MRAP2: variants seen among roughly 807,000 people sequenced by gnomAD.
MRAP2 encodes melanocortin-2 receptor accessory protein 2.
Under a neutral mutation model 17.4 loss-of-function variants are expected in MRAP2, and 20 were observed. The ratio of observed to expected loss-of-function variants is 1.15; its 90% CI spans 0.81 to 1.67. MRAP2 has a LOEUF of 1.67. Ranked by LOEUF, MRAP2 falls within the 40% of genes most tolerant of loss-of-function variation. The probability of loss-of-function intolerance (pLI) is 0.00; values close to 1 mark genes in which losing one functional copy is unlikely to be tolerated. For synonymous variants in MRAP2, 96 were observed against 88.4 expected, an observed-to-expected ratio of 1.09 and a Z score of -0.48; for missense variants, 238 against 240.0, an observed-to-expected ratio of 0.99 and a Z score of 0.05.
At chr6:84,067,122 G>A (rs2099494945) in intron 3 of MRAP2, among the ~76,000 whole-genome samples, 1 of 151,798 alleles carries the variant, frequency 6.6e-6, no homozygotes, top group African/African-American at 2.4e-5. Context: ...ACGTATCAGT[G>A]AGAACATAAG....
At chr6:84,098,111 T>C in the MRAP2 span, among the ~76,000 whole-genome samples, 1 of 151,820 alleles carries the variant, frequency 6.6e-6, no homozygotes, top group East Asian at 1.9e-4. Context: ...TTATAATCCC[T>C]CCCTCCCATC....
chr6:84,043,339 A>G (rs1376909445), intron 1 of MRAP2, among the ~76,000 whole-genome samples: 4 of 152,182 alleles, frequency 2.6e-5, no homozygotes, highest in African/African-American at 9.7e-5. Flanking sequence ...AAAATGAGAG[A>G]TTCAGATAAT....
chr6:84,120,999 A>G, the MRAP2 span, among the ~76,000 whole-genome samples: 2 of 151,974 alleles, frequency 1.3e-5, no homozygotes, highest in Non-Finnish European at 2.9e-5. Context: ...CAAAAACTCA[A>G]TTTTTCTATC....
intron 1 of MRAP2, among the ~76,000 whole-genome samples, chr6:84,053,509 C>G (rs1385104743): frequency 6.6e-6 from 1 of 152,072 alleles, no homozygotes. Context: ...GTTGTAATCC[C>G]AACACTCTGG....
At chr6:84,125,067 C>A in the MRAP2 span, 17 of 1,608,226 alleles carry the variant, frequency 1.1e-5, no homozygotes, top group Middle Eastern at 1.6e-4. Flanking sequence ...ATCTGAATTT[C>A]TATTAATACT....
At chr6:84,037,313 C>T (rs2099486351) in intron 1 of MRAP2, among the ~76,000 whole-genome samples, 1 of 152,166 alleles carries the variant, frequency 6.6e-6, no homozygotes, top group Non-Finnish European at 1.5e-5. Context: ...ATCCACGAAC[C>T]CCGAGCTAGA....
chr6:84,059,041 A>G (rs949906087), intron 2 of MRAP2, among the ~76,000 whole-genome samples: 4 of 152,228 alleles, frequency 2.6e-5, no homozygotes, highest in African/African-American at 9.6e-5. Context: ...GGAATGGGTC[A>G]TTTATGAAGA....
chr6:84,052,755 A>T (rs957628863), intron 1 of MRAP2: 5 of 980,144 alleles, frequency 5.1e-6, no homozygotes, highest in Non-Finnish European at 6.1e-6. Flanking sequence ...GTCACATTTC[A>T]TTCTGCAGAA....
intron 3 of MRAP2, among the ~76,000 whole-genome samples, chr6:84,075,825 T>A (rs2099497452): frequency 6.6e-6 from 1 of 152,130 alleles, no homozygotes; most frequent in Non-Finnish European, 1.5e-5. Flanking sequence ...GAATAGCAAT[T>A]TACCTGAATA....
chr6:84,038,202 C>T (rs113792485), intron 1 of MRAP2, among the ~76,000 whole-genome samples: 1,886 of 152,282 alleles, frequency 0.012, 45 homozygotes, highest in African/African-American at 0.043. Context: ...GAATGAGCAG[C>T]CAGCTGAAGG....
intron 3 of MRAP2, among the ~76,000 whole-genome samples, chr6:84,084,670 G>A (rs2099499825): frequency 6.6e-6 from 1 of 152,018 alleles, no homozygotes; most frequent in Admixed American, 6.6e-5. Flanking sequence ...AGGAGAGAGA[G>A]CCTAGAAGGC....
chr6:84,136,566 G>C, the MRAP2 span, among the ~76,000 whole-genome samples: 3 of 152,174 alleles, frequency 2.0e-5, no homozygotes, highest in Non-Finnish European at 4.4e-5. Context: ...GTTAGTGGGA[G>C]ACATTATAGG....
At chr6:84,110,052 C>T in the MRAP2 span, among the ~76,000 whole-genome samples, 2 of 152,104 alleles carry the variant, frequency 1.3e-5, no homozygotes, top group African/African-American at 4.8e-5. Flanking sequence ...AACAGTGCCG[C>T]AATAAACATA....
chr6:84,095,465 GAA>G (rs746291716), downstream of MRAP2, among the ~76,000 whole-genome samples: 1 of 152,124 alleles, frequency 6.6e-6, no homozygotes, highest in Non-Finnish European at 1.5e-5. Flanking sequence ...GGGGATTTTT[GAA>G]AAAGAGGCAA....
upstream of MRAP2, chr6:84,033,708 C>G (rs944272650): frequency 1.0e-6 from 1 of 985,234 alleles, no homozygotes; most frequent in Non-Finnish European, 1.2e-6. Context: ...TGCTCCGGCG[C>G]CCCGCGCCGC....
chr6:84,136,629 G>T, the MRAP2 span, among the ~76,000 whole-genome samples: 1 of 152,130 alleles, frequency 6.6e-6, no homozygotes, highest in Admixed American at 6.6e-5. Flanking sequence ...AATGTTCCTT[G>T]ACAGCAAGGA....
chr6:84,033,646 G>A (rs1025318349), upstream of MRAP2: 49 of 978,930 alleles, frequency 5.0e-5, no homozygotes, highest in Non-Finnish European at 5.8e-5. Context: ...AGGCGGCCTC[G>A]CGCTGGGGAG....
chr6:84,136,903 C>T, the MRAP2 span, among the ~76,000 whole-genome samples: 693 of 152,288 alleles, frequency 4.6e-3, 8 homozygotes, highest in African/African-American at 0.016. Context: ...CCATCGGCCA[C>T]ACACCAGGCA....
At chr6:84,103,702 A>T in the MRAP2 span, among the ~76,000 whole-genome samples, 3 of 152,226 alleles carry the variant, frequency 2.0e-5, no homozygotes, top group Admixed American at 2.0e-4. Flanking sequence ...GAAGTTTCAT[A>T]GACCTTGTGT....
Sources: gnomAD v4.1 joint callset for allele counts (sites outside exome capture counted in the v4.1 genomes callset) on GRCh38, gnomAD v4.1.1 for gene constraint, MANE v1.5 for transcripts, NCBI Gene and HGNC (gene_info 2026-07-23, HGNC 2026-07-21) for gene names.